Variants in UNC13C observed in about 807,000 individuals in gnomAD.
UNC13C encodes unc-13 homolog C.
UNC13C carries 174 observed loss-of-function variants against 245.4 expected under a neutral mutation model. The observed-to-expected ratio is 0.71, with a 90% CI of 0.63 to 0.80. The LOEUF (loss-of-function observed/expected upper bound fraction) is 0.80, where lower values mean the gene tolerates loss of function less well. Among genes scored for constraint, UNC13C ranks in the 30% least tolerant of loss-of-function variants. UNC13C has a pLI of 0.00. For missense variants in UNC13C, 2,829 were observed against 2,602.9 expected (o/e 1.09, Z -1.89); for synonymous variants, 992 against 895.1 (o/e 1.11, Z -1.93).
the UNC13C span, among the ~76,000 whole-genome samples, chr15:53,899,471 CAT>C: frequency 3.9e-5 from 6 of 152,238 alleles, no homozygotes; most frequent in Non-Finnish European, 8.8e-5. Context: ...AAAAGAATTA[CAT>C]TCCAAACTTC....
chr15:54,417,882 G>A (rs1383517191), intron 19 of UNC13C, among the ~76,000 whole-genome samples: 3 of 152,002 alleles, frequency 2.0e-5, no homozygotes, highest in African/African-American at 4.8e-5. Flanking sequence ...TTAGAGCCAG[G>A]CAGTTGTACA....
At chr15:54,296,440 G>A (rs186422688) in intron 11 of UNC13C, among the ~76,000 whole-genome samples, 3,263 of 146,996 alleles carry the variant, frequency 0.022, 56 homozygotes, top group Non-Finnish European at 0.031. Flanking sequence ...GAATGGTCTC[G>A]ATCTCCTGAC....
chr15:53,900,445 G>T, the UNC13C span, among the ~76,000 whole-genome samples: 1 of 152,186 alleles, frequency 6.6e-6, no homozygotes, highest in African/African-American at 2.4e-5. Flanking sequence ...AGCTTTACTA[G>T]CCATGGTGAC....
the UNC13C span, among the ~76,000 whole-genome samples, chr15:53,956,349 A>G: frequency 6.6e-6 from 1 of 152,092 alleles, no homozygotes; most frequent in African/African-American, 2.4e-5. Flanking sequence ...TTAAGACAAA[A>G]GAATATTTAG....
intron 30 of UNC13C, chr15:54,611,325 T>C (rs1376630060): frequency 6.6e-6 from 1 of 152,080 alleles, no homozygotes; most frequent in East Asian, 1.9e-4. Context: ...CCCTTGGGTT[T>C]AGAAGGGGTT....
chr15:53,976,477 C>CTCTTTTTTTT (rs1325952003), upstream of UNC13C, among the ~76,000 whole-genome samples: 5 of 63,020 alleles, frequency 7.9e-5, no homozygotes, highest in African/African-American at 2.3e-4. Flanking sequence ...CTCTCTCTCT[C>CTCTTTTTTTT]TTTTTTTTTT....
intron 22 of UNC13C, among the ~76,000 whole-genome samples, chr15:54,504,015 G>C (rs1894353649): frequency 6.6e-6 from 1 of 152,010 alleles, no homozygotes; most frequent in Non-Finnish European, 1.5e-5. Context: ...ACTAAAAAAG[G>C]TACCAAACAA....
chr15:53,849,981 T>C, the UNC13C span, among the ~76,000 whole-genome samples: 2 of 152,202 alleles, frequency 1.3e-5, no homozygotes, highest in African/African-American at 2.4e-5. Context: ...ACTTACAGCC[T>C]TCTTTGTCTT....
At chr15:54,576,617 C>T (rs1897966018) in intron 30 of UNC13C, among the ~76,000 whole-genome samples, 1 of 152,130 alleles carries the variant, frequency 6.6e-6, no homozygotes, top group Admixed American at 6.6e-5. Context: ...TAAGAAAATA[C>T]ATCCTGCTTC....
chr15:54,190,558 A>G (rs1398497031), intron 4 of UNC13C, among the ~76,000 whole-genome samples: 13 of 152,118 alleles, frequency 8.5e-5, no homozygotes, highest in Admixed American at 8.5e-4. Flanking sequence ...CATAACATAT[A>G]GGTCTTTACC....
At chr15:53,868,571 A>ATT in the UNC13C span, among the ~76,000 whole-genome samples, 1 of 148,070 alleles carries the variant, frequency 6.8e-6, no homozygotes, top group Non-Finnish European at 1.5e-5. Flanking sequence ...AATGTATAAG[A>ATT]TATTCCTGCT....
chr15:54,258,067 C>T (rs1414461422), intron 8 of UNC13C, among the ~76,000 whole-genome samples: 1 of 152,122 alleles, frequency 6.6e-6, no homozygotes, highest in East Asian at 1.9e-4. Flanking sequence ...ACAAAAATCC[C>T]TCAATATCAG....
intron 2 of UNC13C, among the ~76,000 whole-genome samples, chr15:54,131,722 G>A (rs534647819): frequency 1.3e-5 from 2 of 152,208 alleles, no homozygotes; most frequent in East Asian, 1.9e-4. Context: ...ACATATCCCC[G>A]CAGGAATAAG....
chr15:54,047,191 A>C (rs542000993), intron 2 of UNC13C, among the ~76,000 whole-genome samples: 1 of 152,202 alleles, frequency 6.6e-6, no homozygotes, highest in African/African-American at 2.4e-5. Context: ...GACCATCTCA[A>C]GTCAGGAAAG....
intron 4 of UNC13C, among the ~76,000 whole-genome samples, chr15:54,194,673 A>C (rs1376720009): frequency 6.6e-6 from 1 of 152,122 alleles, no homozygotes; most frequent in Non-Finnish European, 1.5e-5. Flanking sequence ...CTGCTGAAGT[A>C]GGACTCAGGA....
At chr15:54,389,205 C>A (rs114080163) in intron 17 of UNC13C, among the ~76,000 whole-genome samples, 8,263 of 152,192 alleles carry the variant, frequency 0.054, 303 homozygotes, top group Admixed American at 0.11. Flanking sequence ...GATGGGGGAA[C>A]AGGAAGGGAA....
intron 1 of UNC13C, among the ~76,000 whole-genome samples, chr15:53,979,215 G>A (rs1451240573): frequency 6.6e-6 from 1 of 152,158 alleles, no homozygotes; most frequent in African/African-American, 2.4e-5. Context: ...GACAAATAGG[G>A]TTGAGATGAA....
chr15:54,088,201 CTTTTTTTTTTTTTTTT>C (rs59075201), intron 2 of UNC13C, among the ~76,000 whole-genome samples: 6 of 103,926 alleles, frequency 5.8e-5, no homozygotes, highest in African/African-American at 2.2e-4. Flanking sequence ...CTTCCTTTTC[CTTTTTTTTTTTTTTTT>C]TTTTTTTTTT....
At chr15:53,844,760 C>A in the UNC13C span, among the ~76,000 whole-genome samples, 33 of 152,182 alleles carry the variant, frequency 2.2e-4, no homozygotes, top group Non-Finnish European at 4.4e-4. Flanking sequence ...TCTGCTGGAA[C>A]GAACAGTAAA....
Sources: gnomAD v4.1 joint callset for allele counts (sites outside exome capture counted in the v4.1 genomes callset) on GRCh38, gnomAD v4.1.1 for gene constraint, MANE v1.5 for transcripts, NCBI Gene and HGNC (gene_info 2026-07-23, HGNC 2026-07-21) for gene names.